The following PTPRD variants were observed in gnomAD, a reference collection of about 807,000 sequenced individuals.
The protein encoded by PTPRD is protein tyrosine phosphatase receptor type D.
A neutral mutation model predicts 214.5 loss-of-function variants in PTPRD; 34 were observed. That is an observed-to-expected ratio of 0.16 (90% CI 0.12 to 0.21). The LOEUF (loss-of-function observed/expected upper bound fraction) is 0.21. PTPRD is among the 10% of genes least tolerant of loss of function. PTPRD has a pLI of 1.00. For missense variants in PTPRD, 2,545 were observed against 2,398.7 expected (o/e 1.06, Z -1.27); for synonymous variants, 1,128 against 845.7 (o/e 1.33, Z -5.79).
chr9:10,359,703 A>G lies in PTPRD; in HGVS notation c.-599-18686T>C, dbSNP rs560446412. Among the ~76,000 whole-genome samples, 4 of 152,276 alleles carry G rather than the reference A, an allele frequency of 2.6e-5. No individual in the cohort carries two copies. The South Asian group carries it at 8.3e-4, about 32-fold the overall frequency. Reference sequence around the variant, plus strand: ...TGCAGCGAACTAAGTTCTGCAGTGTAATTAAACCTATTTAACATACATTAA... The same window carrying G: ...TGCAGCGAACTAAGTTCTGCAGTGTGATTAAACCTATTTAACATACATTAA... On this transcript the variant is annotated intron_variant, in intron 2 of 45. Transcript: ENST00000381196.
intron 3 of PTPRD, among the ~76,000 whole-genome samples, chr9:10,204,414 T>G (rs2099455415): frequency 6.6e-6 from 1 of 152,178 alleles, no homozygotes; most frequent in South Asian, 2.1e-4. Context: ...GTTTCCACAC[T>G]AAGTTTTATC....
intron 8 of PTPRD, among the ~76,000 whole-genome samples, chr9:9,568,106 C>T (rs898549108): frequency 2.0e-5 from 3 of 151,776 alleles, no homozygotes; most frequent in Non-Finnish European, 4.4e-5. Context: ...GTCATTGAGT[C>T]ATCCATGAAA....
At position 10,606,205 on chromosome 9, in the gene PTPRD, T is replaced by C. The variant is rs116525893; in HGVS notation, c.-600+6193A>G. Among the ~76,000 whole-genome samples the C allele has an allele frequency of 1.3e-3, 203 of 151,928 alleles. 1 individual carries two copies. Among genetic ancestry groups the C allele is most frequent in the African/African-American group, 4.6e-3 (189 of 41,484 alleles). On this transcript the variant is annotated intron_variant, in intron 2 of 45. Coordinates refer to ENST00000381196, the MANE Select transcript of PTPRD (RefSeq NM_002839.4). ...AGTGTGAGCCAGACTTCCCTAGAAA[T>C]CTGATGACCACCTAACCCCAAGGTG...
chr9:9,219,469 A>C (rs2099954423), intron 9 of PTPRD, among the ~76,000 whole-genome samples: 1 of 152,176 alleles, frequency 6.6e-6, no homozygotes. Context: ...CATGTCCTTA[A>C]ACATTTGGCT....
At chr9:10,360,044 G>A (rs996921738) in intron 2 of PTPRD, among the ~76,000 whole-genome samples, 53 of 152,228 alleles carry the variant, frequency 3.5e-4, no homozygotes, top group African/African-American at 1.2e-3. Context: ...ATTAGTTCAC[G>A]TTAGGCTTTT....
In PTPRD at chr9:9,950,112, T is replaced by A. The variant is rs569166568; in HGVS notation, c.-471-11502A>T. Among the ~76,000 whole-genome samples the A allele has an allele frequency of 3.1e-3, 468 of 152,258 alleles. 3 individuals are homozygous for A. The highest frequency in any genetic ancestry group is 9.8e-3 in the African/African-American group (409 of 41,558). On this transcript the variant is annotated intron_variant, in intron 4 of 45. Coordinates refer to ENST00000381196, the MANE Select transcript of PTPRD (RefSeq NM_002839.4). ...ATCACGTCAGGTTTCCCTGGCCTTGTTTTTTGTCCCAGCTGTCACTGTGAC... is the reference window on the plus strand; with the variant it reads ...ATCACGTCAGGTTTCCCTGGCCTTGATTTTTGTCCCAGCTGTCACTGTGAC...
intron 7 of PTPRD, among the ~76,000 whole-genome samples, chr9:9,633,192 G>T (rs1052166510): frequency 6.6e-6 from 1 of 151,978 alleles, no homozygotes; most frequent in Non-Finnish European, 1.5e-5. Context: ...CTACTCAGGA[G>T]GCTGAAGCAA....
Position 9,584,429 on chromosome 9 carries a change from C to T in PTPRD, c.-286-9648G>A, listed in dbSNP as rs970505702. Among the ~76,000 whole-genome samples the T allele has an allele frequency of 1.3e-4, 19 of 151,712 alleles. 1 individual carries two copies. Among genetic ancestry groups the T allele is most frequent in the African/African-American group, 4.6e-4 (19 of 41,418 alleles). ...CTATGTTGCTCATGTTTCACCATCA[C>T]TATTCTTTCTCTACAGTTACCTAAC... is the stretch of plus-strand genomic sequence containing the variant. On this transcript the variant is annotated intron_variant, in intron 7 of 45. Coordinates refer to ENST00000381196, the MANE Select transcript of PTPRD (RefSeq NM_002839.4).
intron 9 of PTPRD, among the ~76,000 whole-genome samples, chr9:9,194,458 A>G (rs1252167870): frequency 3.9e-5 from 6 of 152,182 alleles, no homozygotes; most frequent in African/African-American, 1.4e-4. Flanking sequence ...TTACACCAGC[A>G]TCGCCACAAA....
Position 8,341,764 on chromosome 9 carries a change from A to T in PTPRD, c.4876T>A (p.Tyr1626Asn), listed in dbSNP as rs1195869451. ...TGTGTCAGCTTCTGAATGTAGGCATACAAGTTTCTAGCTGGCACTTCGGTA... is the reference window on the plus strand; with the variant it reads ...TGTGTCAGCTTCTGAATGTAGGCATTCAAGTTTCTAGCTGGCACTTCGGTA... ...GNTEVPARNL[Y>N]AYIQKLTQIE... The change falls in exon 40 of 46, where the codon TAT becomes AAT. Residue 1626 changes from tyrosine to asparagine, a missense_variant. Physicochemically the swap from Tyr to Asn is moderately radical, Grantham distance 143. Transcript: ENST00000381196. The T allele has an allele frequency of 6.2e-7, 1 of 1,613,642 alleles. No homozygotes were observed. The highest frequency in any genetic ancestry group is 1.1e-5 in the South Asian group (1 of 91,062).
intron 12 of PTPRD, among the ~76,000 whole-genome samples, chr9:8,667,000 A>T (rs2097183198): frequency 6.6e-6 from 1 of 152,210 alleles, no homozygotes; most frequent in Non-Finnish European, 1.5e-5. Flanking sequence ...GTTATTTAAT[A>T]TAATTATACA....
chr9:10,144,861 T>C (rs753556913), intron 3 of PTPRD, among the ~76,000 whole-genome samples: 4 of 152,102 alleles, frequency 2.6e-5, no homozygotes, highest in Non-Finnish European at 5.9e-5. Context: ...TCTGGGATAA[T>C]ACTGATTTTT....
chr9:10,178,919 C>CA (rs1165256333), intron 3 of PTPRD, among the ~76,000 whole-genome samples: 1 of 151,208 alleles, frequency 6.6e-6, no homozygotes, highest in Admixed American at 6.6e-5. Flanking sequence ...CTATGAGTCA[C>CA]AAAAAAGTAA....
chr9:9,397,906 T>G (rs1341717337), intron 8 of PTPRD, among the ~76,000 whole-genome samples: 3 of 151,958 alleles, frequency 2.0e-5, no homozygotes, highest in Non-Finnish European at 4.4e-5. Context: ...AAAATTCTCT[T>G]TGTTGCCTAC....
chr9:9,130,259 G>T (rs2099840584), intron 10 of PTPRD, among the ~76,000 whole-genome samples: 1 of 152,190 alleles, frequency 6.6e-6, no homozygotes, highest in South Asian at 2.1e-4. Context: ...TTTAATGATG[G>T]ATGATGAAAA....
Position 8,485,223 on chromosome 9 carries a change from T to G in PTPRD, c.3153+4A>C. 1 of 1,611,372 alleles carries G rather than the reference T, an allele frequency of 6.2e-7. No homozygotes were observed. Among genetic ancestry groups the G allele is most frequent in the Non-Finnish European group, 8.5e-7 (1 of 1,177,734 alleles). The stretch of plus-strand genomic sequence containing the variant: ...GATTTCTTACAAATTAGAAAACAAC[T>G]TACTTTGAAAGGCATGGCGGAGTTA... On this transcript the variant is annotated splice_donor_region_variant and intron_variant, in intron 29 of 45. Transcript: ENST00000381196.
intron 43 of PTPRD, among the ~76,000 whole-genome samples, chr9:8,338,271 G>C (rs1468573254): frequency 6.6e-6 from 1 of 152,050 alleles, no homozygotes; most frequent in African/African-American, 2.4e-5. Flanking sequence ...GAAGATATCA[G>C]AGTTTATGCA....
intron 12 of PTPRD, among the ~76,000 whole-genome samples, chr9:8,678,637 C>T (rs72700342): frequency 0.017 from 2,599 of 152,134 alleles, 26 homozygotes; most frequent in African/African-American, 0.024. Flanking sequence ...ATTCCAAAAG[C>T]GAAGAGGAGG....
At chr9:9,813,707 G>C (rs1426300867) in intron 5 of PTPRD, among the ~76,000 whole-genome samples, 2 of 152,020 alleles carry the variant, frequency 1.3e-5, no homozygotes, top group Non-Finnish European at 2.9e-5. Context: ...ATTAAAAGCA[G>C]TCCTTTTCAA....
Sources: allele counts gnomAD v4.1 joint callset (sites outside exome capture counted in the v4.1 genomes callset), GRCh38; gene constraint gnomAD v4.1.1; transcripts MANE v1.5; gene names NCBI Gene and HGNC (gene_info 2026-07-23, HGNC 2026-07-21).